STAB1: variants seen among roughly 807,000 people sequenced by gnomAD.
The protein encoded by STAB1 is stabilin 1, also known as stabilin-1.
STAB1 carries 250 observed loss-of-function variants against 332.4 expected under a neutral mutation model. That is an observed-to-expected ratio of 0.75 (90% CI 0.68 to 0.84). The LOEUF (loss-of-function observed/expected upper bound fraction) is 0.84, where lower values mean the gene tolerates loss of function less well. Among genes scored for constraint, STAB1 ranks in the 40% least tolerant of loss-of-function variants. The probability of loss-of-function intolerance (pLI) is 0.00; values close to 1 mark genes in which losing one functional copy is unlikely to be tolerated. For missense variants in STAB1, 3,249 were observed against 3,489.7 expected (o/e 0.93, Z 1.74); for synonymous variants, 1,475 against 1,390.4 (o/e 1.06, Z -1.35).
intron 13 of STAB1, 83 bp downstream of exon 13, chr3:52,505,226 C>T (rs1350796362): frequency 1.9e-6 from 3 of 1,603,910 alleles, no homozygotes; most frequent in African/African-American, 2.7e-5. Context: ...GGGCAGGAGC[C>T]ATTCTACTCA....
In STAB1 at chr3:52,521,523, T is replaced by G. The variant is rs369014232; in HGVS notation, c.6058+13T>G. 22 of 1,613,928 alleles carry G rather than the reference T, an allele frequency of 1.4e-5. No individual in the cohort carries two copies. Among genetic ancestry groups the G allele is most frequent in the Non-Finnish European group, 1.9e-5 (22 of 1,180,006 alleles). On this transcript the variant is annotated intron_variant, in intron 56 of 68. Transcript: ENST00000321725. ...CCCCATTGTCAAGGTGGGCCATCCC[T>G]GCCTGCCCCACGGCCCGATTCCTTT...
At chr3:52,521,309 G>T in intron 55 of STAB1, 52 bp from the exon 56 acceptor site, 1 of 1,610,168 alleles carries the variant, frequency 6.2e-7, no homozygotes, top group East Asian at 2.2e-5. Flanking sequence ...CGTATATGGG[G>T]GTCCTGGTGA....
In STAB1 at chr3:52,522,081, G is replaced by A. The variant is rs1273493658; in HGVS notation, c.6316G>A (p.Ala2106Thr). Residue 2106 changes from alanine to threonine, a missense_variant, in exon 59 of 69, where the codon GCC becomes ACC. Coordinates refer to ENST00000321725, the MANE Select transcript of STAB1 (RefSeq NM_015136.3). ...CGGGCATGGTGGCTGCAGTGAGCAC[G>A]CCAACTGTAGCCAGGTAGGAACAAT... ...QDGHGGCSEHANCSQVGTMVT... is the reference protein window; with the variant it reads ...QDGHGGCSEHTNCSQVGTMVT... 4 of 1,613,226 alleles carry A rather than the reference G, an allele frequency of 2.5e-6. No individual in the cohort carries two copies. Among genetic ancestry groups the A allele is most frequent in the East Asian group, 2.2e-5 (1 of 44,888 alleles).
intron 61 of STAB1, 21 bp from the exon 62 acceptor site, chr3:52,522,754 T>A: frequency 1.2e-6 from 2 of 1,612,742 alleles, no homozygotes; most frequent in Non-Finnish European, 1.7e-6. Flanking sequence ...TGGGTCTTAG[T>A]ATCCCCTCCT....
Position 52,523,530 on chromosome 3 carries a change from T to G in STAB1, c.7244T>G (p.Leu2415Arg). The G allele has an allele frequency of 6.2e-7, 1 of 1,612,896 alleles. No individual in the cohort carries two copies. The highest frequency in any genetic ancestry group is 8.5e-7 in the Non-Finnish European group (1 of 1,179,988). ...CTTCCGGCCCACTCAGGCCTCAGCC[T>G]CATCATCAGTGACGCAGGCCCTGAC... ...KLLPAHSGLSLIISDAGPDNS... is the reference protein window; with the variant it reads ...KLLPAHSGLSRIISDAGPDNS... The change falls in exon 65 of 69, where the codon CTC becomes CGC. Residue 2415 changes from leucine (L) to arginine (R), a missense_variant. Leu to Arg is a moderately radical substitution (Grantham distance 102). Coordinates refer to ENST00000321725, the MANE Select transcript of STAB1 (RefSeq NM_015136.3).
chr3:52,505,559 C>T (rs1227283249), intron 14 of STAB1, 109 bp from the exon 15 acceptor site: 1 of 1,263,560 alleles, frequency 7.9e-7, no homozygotes, highest in Non-Finnish European at 1.1e-6. Flanking sequence ...CCATGTCTCC[C>T]CCTTACTCAG....
At chr3:52,515,527 C>A in intron 37 of STAB1, 21 bp downstream of exon 37, 1 of 1,612,294 alleles carries the variant, frequency 6.2e-7, no homozygotes, top group African/African-American at 1.3e-5. Context: ...AAGCCCCCAC[C>A]CCAAGCCTGT....
chr3:52,513,308 AG>A, intron 30 of STAB1, 67 bp downstream of exon 30: 3 of 1,452,440 alleles, frequency 2.1e-6, no homozygotes, highest in Admixed American at 2.4e-5. Flanking sequence ...GAGTGGCTGC[AG>A]GCTCTCCCAC....
In STAB1 at chr3:52,503,407, G is replaced by A. The variant is rs1420479393; in HGVS notation, c.758G>A (p.Gly253Glu). 1.2e-6 allele frequency: 2 copies of A among 1,613,624 alleles called. No homozygotes were observed. Among genetic ancestry groups the A allele is most frequent in the Admixed American group, 3.3e-5 (2 of 60,026 alleles). Reference protein sequence around the residue: ...LLAQCSVSPKGQAQCHCPENY... With the variant: ...LLAQCSVSPKEQAQCHCPENY... ...GCCCAGTGCTCGGTGAGCCCCAAGG[G>A]GCAGGCTCAGTGTCACTGCCCTGAG... The change falls in exon 8 of 69, where the codon GGG becomes GAG. Residue 253 changes from glycine to glutamate, a missense_variant. Physicochemically the swap from Gly to Glu is moderately conservative, Grantham distance 98 (BLOSUM62 -2). Transcript: ENST00000321725.
Position 52,520,809 on chromosome 3 carries a change from C to A in STAB1, c.5712C>A (p.Ser1904Arg), listed in dbSNP as rs752503782. Residue 1904 changes from serine (S) to arginine (R), a missense_variant, in exon 55 of 69, where the codon AGC becomes AGA. Physicochemically the swap from Ser to Arg is moderately radical, Grantham distance 110. Transcript: ENST00000321725. ...PCPEGSQEQG[S>R]PEACWRFYPK... ...GCCTGACTCCTTTGGCCCAGGGCAG[C>A]CCTGAGGCCTGCTGGCGCTTCTACC... 6.2e-7 allele frequency: 1 copy of A among 1,612,692 alleles called. No individual in the cohort carries two copies. The highest frequency in any genetic ancestry group is 2.2e-5 in the East Asian group (1 of 44,902).
intron 26 of STAB1, 120 bp from the exon 27 acceptor site, chr3:52,512,221 G>A (rs1281613653): frequency 9.9e-6 from 9 of 910,530 alleles, no homozygotes; most frequent in Admixed American, 7.8e-5. Flanking sequence ...CAGACTGGGT[G>A]GCTGCAGAGC....
chr3:52,520,709 A>AG lies in STAB1; in HGVS notation c.5706+15dup. On this transcript the variant is annotated intron_variant, in intron 54 of 68. Transcript: ENST00000321725. ...GGGTCACAGGAGCAGGTACAGGGCT[A>AG]GGGGCTGAGTGGGGGTGGTGGGGTG... The AG allele has an allele frequency of 2.1e-6, 1 of 487,136 alleles. No homozygotes were observed. The highest frequency in any genetic ancestry group is 7.1e-5 in the East Asian group (1 of 14,180). 30.2% of individuals were successfully genotyped at this position (487,136 alleles called of 1,614,324 possible).
intron 48 of STAB1, 131 bp from the exon 49 acceptor site, chr3:52,519,133 G>T: frequency 4.0e-6 from 4 of 1,002,966 alleles, no homozygotes; most frequent in South Asian, 3.0e-5. Flanking sequence ...CGCCCACCTC[G>T]TCCTGGTCCC....
In STAB1 at chr3:52,517,563, G is replaced by T. The variant is rs2078916395; in HGVS notation, c.4577G>T (p.Cys1526Phe). ...GACTGGGGACAGGTCTCCTGCAGCTGCCGTGAGGGTTACAGCGGGGATGGC... is the reference window on the plus strand; with the variant it reads ...GACTGGGGACAGGTCTCCTGCAGCTTCCGTGAGGGTTACAGCGGGGATGGC... ...PTGPQQVSCS[C>F]REGYSGDGIR... The change falls in exon 44 of 69, where the codon TGC (cysteine) becomes TTC (phenylalanine). Residue 1526 changes from cysteine (C) to phenylalanine (F), a missense_variant. Coordinates refer to ENST00000321725, the MANE Select transcript of STAB1 (RefSeq NM_015136.3). 1 of 1,612,756 alleles carries T rather than the reference G, an allele frequency of 6.2e-7. No individual in the cohort carries two copies. The highest frequency in any genetic ancestry group is 1.7e-5 in the Admixed American group (1 of 59,972).
intron 67 of STAB1, 31 bp from the exon 68 acceptor site, chr3:52,524,069 G>C: frequency 1.9e-6 from 3 of 1,612,834 alleles, no homozygotes; most frequent in Admixed American, 1.7e-5. Context: ...CGCTTGAGGC[G>C]CCTCGCCACT....
intron 12 of STAB1, 33 bp downstream of exon 12, chr3:52,504,909 G>A: frequency 6.2e-7 from 1 of 1,613,450 alleles, no homozygotes; most frequent in Non-Finnish European, 8.5e-7. Flanking sequence ...GGGACAAGAG[G>A]AGTCACAGCC....
Position 52,514,765 on chromosome 3 carries a change from G to A in STAB1, c.3743G>A (p.Gly1248Asp), listed in dbSNP as rs762563230. ...MLEAPGRSLI[G>D]LSGVLTVGSS... is the part of the protein sequence containing the mutation. Reference sequence around the variant, plus strand: ...GAGGCCCCTGGCCGCTCGCTGATTGGTCTGTCGGGGGTCCTGACGGTGGGC... The same window carrying A: ...GAGGCCCCTGGCCGCTCGCTGATTGATCTGTCGGGGGTCCTGACGGTGGGC... Residue 1248 changes from glycine (G) to aspartate (D), a missense_variant, in exon 35 of 69, where the codon GGT becomes GAT. Transcript: ENST00000321725. 1 of 1,613,034 alleles carries A rather than the reference G, an allele frequency of 6.2e-7. No individual in the cohort carries two copies. The highest frequency in any genetic ancestry group is 8.5e-7 in the Non-Finnish European group (1 of 1,179,994).
In STAB1 at chr3:52,516,700, A is replaced by T; in HGVS notation, c.4295A>T (p.Gln1432Leu). The T allele has an allele frequency of 1.2e-6, 2 of 1,612,358 alleles. No individual in the cohort carries two copies. Among genetic ancestry groups the T allele is most frequent in the Non-Finnish European group, 1.7e-6 (2 of 1,179,920 alleles). The change falls in exon 41 of 69, where the codon CAG becomes CTG. Residue 1432 changes from glutamine to leucine, a missense_variant. Coordinates refer to ENST00000321725, the MANE Select transcript of STAB1 (RefSeq NM_015136.3). ...RKCDPNANCV[Q>L]DSAGASTCAC... is the part of the protein sequence containing the mutation. ...GCTACCACCCCTCCCAGCTGCGTGC[A>T]GGACTCGGCCGGAGCCTCCACCTGC...
chr3:52,510,534 G>C lies in STAB1; in HGVS notation c.2787+27G>C, dbSNP rs375381156. The C allele has an allele frequency of 2.8e-5, 45 of 1,603,556 alleles. No homozygotes were observed. In the Admixed American group the frequency reaches 5.7e-4, roughly 20 times the overall value. ...TGAGGTGCAGCAGAGAAGGGGTGGGGGCCTTGGTTCTGGGGGACTCTCTCC... is the reference window on the plus strand; with the variant it reads ...TGAGGTGCAGCAGAGAAGGGGTGGGCGCCTTGGTTCTGGGGGACTCTCTCC... On this transcript the variant is annotated intron_variant, in intron 25 of 68. Coordinates refer to ENST00000321725, the MANE Select transcript of STAB1 (RefSeq NM_015136.3).
Sources: gnomAD v4.1 joint callset for allele counts on GRCh38, gnomAD v4.1.1 for gene constraint, MANE v1.5 for transcripts, NCBI Gene and HGNC (gene_info 2026-07-23, HGNC 2026-07-21) for gene names.